Variants in SMOC2 observed in about 807,000 individuals in gnomAD.
SMOC2 encodes SPARC related modular calcium binding 2.
In SMOC2, 39 loss-of-function variants were observed where a neutral mutation model predicts 61.4. The ratio of observed to expected loss-of-function variants is 0.64; its 90% CI spans 0.49 to 0.83. The LOEUF (loss-of-function observed/expected upper bound fraction) is 0.83. SMOC2 is among the 40% of genes least tolerant of loss of function. The pLI, the probability that SMOC2 is intolerant of heterozygous loss-of-function variation, is 0.00. For synonymous variants in SMOC2, 247 were observed against 239.9 expected, an observed-to-expected ratio of 1.03 and a Z score of -0.27; for missense variants, 556 against 592.9, an observed-to-expected ratio of 0.94 and a Z score of 0.65.
chr6:168,495,676 A>G (rs1782571111), intron 1 of SMOC2, among the ~76,000 whole-genome samples: 1 of 152,196 alleles, frequency 6.6e-6, no homozygotes. Flanking sequence ...CCACTCCCAC[A>G]CTGCCTGCCC....
intron 2 of SMOC2, among the ~76,000 whole-genome samples, chr6:168,524,547 T>C (rs1363087675): frequency 6.6e-6 from 1 of 152,356 alleles, no homozygotes; most frequent in South Asian, 2.1e-4. Context: ...ATAGCTCAAA[T>C]ATTAGACCTA....
intron 1 of SMOC2, among the ~76,000 whole-genome samples, chr6:168,445,738 A>G (rs2114988548): frequency 6.6e-6 from 1 of 152,304 alleles, no homozygotes; most frequent in East Asian, 1.9e-4. Context: ...AGGAGGAGAG[A>G]ACTAAACATA....
At position 168,441,204 on chromosome 6, in the gene SMOC2, G is replaced by C; in HGVS notation, c.-167G>C. Reference sequence around the variant, plus strand: ...CAAAGAACGCGGAGGACCTCTGGGTGCCTGCAGGGGAGCTGCTCCAGCCGG... The same window carrying C: ...CAAAGAACGCGGAGGACCTCTGGGTCCCTGCAGGGGAGCTGCTCCAGCCGG... On this transcript the variant is annotated 5_prime_UTR_variant, in exon 1 of 13. Coordinates refer to ENST00000356284, the MANE Select transcript of SMOC2 (RefSeq NM_001166412.2). 9.8e-7 allele frequency: 1 copy of C among 1,018,002 alleles called. No homozygotes were observed. Among genetic ancestry groups the C allele is most frequent in the Non-Finnish European group, 1.3e-6 (1 of 767,120 alleles). The allele number at this position is 1,018,002 out of a possible 1,614,324, so 63.1% of individuals were successfully genotyped here.
In SMOC2 at chr6:168,664,112, G is replaced by T. The variant is rs1787592049; in HGVS notation, c.1323+1G>T. On this transcript the variant is annotated splice_donor_variant, in intron 12 of 12. Transcript: ENST00000356284. LOFTEE classifies it high-confidence loss of function. ...TGCTGAAAGTACGTCTAATAGACAG[G>T]TAAGTATGTTTATATTTTACTCTTA... The T allele has an allele frequency of 6.2e-7, 1 of 1,601,382 alleles. No individual in the cohort carries two copies. The highest frequency in any genetic ancestry group is 1.3e-5 in the African/African-American group (1 of 74,794).
intron 1 of SMOC2, among the ~76,000 whole-genome samples, chr6:168,461,969 T>A (rs887805695): frequency 2.0e-5 from 3 of 152,240 alleles, no homozygotes; most frequent in Non-Finnish European, 4.4e-5. Flanking sequence ...TGACTGTCAC[T>A]AACACTTTCT....
chr6:168,542,662 C>T (rs1783897598), intron 4 of SMOC2, among the ~76,000 whole-genome samples: 2 of 152,098 alleles, frequency 1.3e-5, no homozygotes, highest in Non-Finnish European at 2.9e-5. Context: ...GAGGCAGTGT[C>T]CGCTGAGAGT....
At chr6:168,518,753 G>T (rs959564949) in intron 2 of SMOC2, among the ~76,000 whole-genome samples, 10 of 151,032 alleles carry the variant, frequency 6.6e-5, no homozygotes, top group African/African-American at 2.4e-4. Flanking sequence ...ATGTGCATGT[G>T]TGTGTGTTCA....
chr6:168,615,664 G>A (rs375998113), intron 9 of SMOC2, among the ~76,000 whole-genome samples: 3 of 92,198 alleles, frequency 3.3e-5, no homozygotes, highest in African/African-American at 1.3e-4. Context: ...CAGCACAGGG[G>A]GCCTCTTCAC....
chr6:168,601,391 G>A (rs541450677), intron 8 of SMOC2, among the ~76,000 whole-genome samples: 11 of 152,372 alleles, frequency 7.2e-5, no homozygotes, highest in African/African-American at 2.4e-4. Context: ...TGAGGCCAGC[G>A]GCTGAGGCTT....
intron 7 of SMOC2, among the ~76,000 whole-genome samples, chr6:168,590,360 T>G (rs113622472): frequency 1.7e-4 from 10 of 59,726 alleles, no homozygotes; most frequent in African/African-American, 5.4e-4. Flanking sequence ...GGTGTGGCAT[T>G]AGTTTACGGG....
intron 1 of SMOC2, among the ~76,000 whole-genome samples, chr6:168,469,824 T>C (rs3900775): frequency 0.3 from 45,408 of 152,192 alleles, 8,930 homozygotes; most frequent in African/African-American, 0.55. Context: ...GCTCCCTCAC[T>C]GCTTCAAGAT....
chr6:168,642,104 C>A (rs528721750), intron 9 of SMOC2, among the ~76,000 whole-genome samples: 25 of 152,280 alleles, frequency 1.6e-4, no homozygotes, highest in African/African-American at 6.0e-4. Context: ...AGAAAAACTT[C>A]AGCTGAATTA....
chr6:168,523,133 C>G (rs1353024747), intron 2 of SMOC2, among the ~76,000 whole-genome samples: 1 of 115,578 alleles, frequency 8.7e-6, no homozygotes, highest in African/African-American at 2.8e-5. Context: ...CCAGGCCGGA[C>G]TGCGGACTGC....
intron 1 of SMOC2, among the ~76,000 whole-genome samples, chr6:168,490,693 C>A (rs1782453642): frequency 6.6e-6 from 1 of 152,204 alleles, no homozygotes; most frequent in Non-Finnish European, 1.5e-5. Context: ...CAGGTCAGTG[C>A]ACCTGCCATG....
At chr6:168,662,526 G>A (rs938463581) in intron 11 of SMOC2, among the ~76,000 whole-genome samples, 1 of 152,256 alleles carries the variant, frequency 6.6e-6, no homozygotes, top group African/African-American at 2.4e-5. Context: ...GTGATGTGAT[G>A]CCACATGGGT....
At chr6:168,501,482 G>A (rs75146779) in intron 1 of SMOC2, among the ~76,000 whole-genome samples, 2,368 of 151,898 alleles carry the variant, frequency 0.016, 66 homozygotes, top group African/African-American at 0.054. Context: ...TCCCTCCCTC[G>A]CCACGGGGCC....
intron 7 of SMOC2, among the ~76,000 whole-genome samples, chr6:168,568,917 A>G (rs1435191856): frequency 6.6e-6 from 1 of 152,120 alleles, no homozygotes; most frequent in Non-Finnish European, 1.5e-5. Flanking sequence ...ATTGTATTCC[A>G]TTGTTTGGAT....
At chr6:168,530,988 G>A (rs532561607) in intron 4 of SMOC2, among the ~76,000 whole-genome samples, 1 of 152,120 alleles carries the variant, frequency 6.6e-6, no homozygotes, top group Admixed American at 6.5e-5. Flanking sequence ...TGATGAAAAG[G>A]TCCAGTGCCT....
At chr6:168,605,913 A>T (rs1240233853) in intron 8 of SMOC2, among the ~76,000 whole-genome samples, 2 of 152,164 alleles carry the variant, frequency 1.3e-5, no homozygotes, top group South Asian at 4.1e-4. Context: ...TACGTCATCC[A>T]TTCTGAGCTG....
Sources: gnomAD v4.1 joint callset for allele counts (sites outside exome capture counted in the v4.1 genomes callset) on GRCh38, gnomAD v4.1.1 for gene constraint, MANE v1.5 for transcripts, NCBI Gene and HGNC (gene_info 2026-07-23, HGNC 2026-07-21) for gene names.